Variants in DOT1L observed in about 807,000 individuals in gnomAD.
DOT1L encodes histone-lysine N-methyltransferase, H3 lysine-79 specific.
A neutral mutation model predicts 153.3 loss-of-function variants in DOT1L; 33 were observed. The observed-to-expected ratio is 0.22, with a 90% CI of 0.16 to 0.29. DOT1L has a LOEUF of 0.29. DOT1L is among the 10% of genes least tolerant of loss of function. The probability of loss-of-function intolerance (pLI) is 1.00; values close to 1 mark genes in which losing one functional copy is unlikely to be tolerated. For synonymous variants in DOT1L, 1,135 were observed against 965.1 expected (o/e 1.18, Z -3.26); for missense variants, 1,847 against 2,119.9 (o/e 0.87, Z 2.53).
In DOT1L at chr19:2,230,921, G is replaced by C. The variant is rs2024571216; in HGVS notation, c.*1129G>C. On this transcript the variant is annotated 3_prime_UTR_variant, in exon 28 of 28. Coordinates refer to ENST00000398665, the MANE Select transcript of DOT1L (RefSeq NM_032482.3). ...GCACCCATCCCTTGGAGCCTGTGCT[G>C]GTTCTCCCAGCTGCTGTGGGTGTGC... The C allele has an allele frequency of 3.5e-6, 1 of 282,514 alleles. No individual in the cohort carries two copies. Among genetic ancestry groups the C allele is most frequent in the Non-Finnish European group, 6.6e-6 (1 of 152,274 alleles). 17.5% of individuals were successfully genotyped at this position (282,514 alleles called of 1,614,324 possible). A position where few individuals can be genotyped will look rare whatever the true frequency, so the allele number is the denominator to read the frequency against.
At chr19:2,213,803 C>T (rs1385174109) in intron 17 of DOT1L, 46 bp from the exon 18 acceptor site, 3 of 1,610,620 alleles carry the variant, frequency 1.9e-6, no homozygotes, top group Non-Finnish European at 2.5e-6. Context: ...GCTTACTTCA[C>T]CTTGGAGGCC....
intron 1 of DOT1L, among the ~76,000 whole-genome samples, chr19:2,178,610 G>T (rs2022074031): frequency 6.6e-6 from 1 of 151,842 alleles, no homozygotes; most frequent in African/African-American, 2.4e-5. Flanking sequence ...GTAGAGATGG[G>T]GTTTCATTGT....
Position 2,220,046 on chromosome 19 carries a change from G to A in DOT1L, c.2692-62G>A. ...CAGGCCTCAACACTCACTGTTTCCAGCTGGGTTCTGGGTCTCCTGGGGCAC... is the reference window on the plus strand; with the variant it reads ...CAGGCCTCAACACTCACTGTTTCCAACTGGGTTCTGGGTCTCCTGGGGCAC... On this transcript the variant is annotated intron_variant, in intron 22 of 27. Coordinates refer to ENST00000398665, the MANE Select transcript of DOT1L (RefSeq NM_032482.3). This position sits in a 1 kb window ranked among gnomAD's most constrained non-coding sequence, Gnocchi z 4.5. The A allele has an allele frequency of 6.8e-7, 1 of 1,477,884 alleles. No homozygotes were observed. The highest frequency in any genetic ancestry group is 1.3e-5 in the South Asian group (1 of 78,984). 91.5% of individuals were successfully genotyped at this position (1,477,884 alleles called of 1,614,324 possible).
chr19:2,225,547 G>C (rs1049179219), intron 26 of DOT1L, 95 bp downstream of exon 26: 3 of 1,316,878 alleles, frequency 2.3e-6, no homozygotes, highest in Non-Finnish European at 2.2e-6. Context: ...CCGCTGCATC[G>C]TGTCCCGCAT....
chr19:2,216,263 C>A lies in DOT1L; in HGVS notation c.1924-18C>A. The A allele has an allele frequency of 1.9e-6, 3 of 1,551,268 alleles. No homozygotes were observed. In the African/African-American group the frequency reaches 4.1e-5, roughly 21 times the overall value. On this transcript the variant is annotated intron_variant, in intron 19 of 27. Coordinates refer to ENST00000398665, the MANE Select transcript of DOT1L (RefSeq NM_032482.3). Reference sequence around the variant, plus strand: ...GTCCCCCGGTGGGGCGGGCCTGACACCATCTCTCCTCCTGCAGATCAGCAT... The same window carrying A: ...GTCCCCCGGTGGGGCGGGCCTGACAACATCTCTCCTCCTGCAGATCAGCAT...
intron 27 of DOT1L, chr19:2,228,740 C>T (rs747008744): frequency 8.6e-5 from 85 of 985,304 alleles, no homozygotes; most frequent in African/African-American, 8.4e-4. Context: ...GGGCTCCATC[C>T]GCACCAGGCC....
At position 2,193,514 on chromosome 19, in the gene DOT1L, T is replaced by C. The variant is rs2022886824; in HGVS notation, c.494-175T>C. Among the ~76,000 whole-genome samples, 1 of 152,222 alleles carries C rather than the reference T, an allele frequency of 6.6e-6. No individual in the cohort carries two copies. The highest frequency in any genetic ancestry group is 1.5e-5 in the Non-Finnish European group (1 of 68,026). On this transcript the variant is annotated intron_variant, in intron 5 of 27. Coordinates refer to ENST00000398665, the MANE Select transcript of DOT1L (RefSeq NM_032482.3). This position sits in a 1 kb window ranked among gnomAD's most constrained non-coding sequence, Gnocchi z 5.9. ...CCTCGTGGGGGCTCTGTCAGGGGCC[T>C]GGTCTCTGGGAAGGATCCTGAGTGA...
Position 2,226,627 on chromosome 19 carries a change from G to C in DOT1L, c.4106G>C (p.Ser1369Thr). The change falls in exon 27 of 28, where the codon AGC becomes ACC. Residue 1369 changes from serine (S) to threonine (T), a missense_variant. Ser to Thr is a moderately conservative substitution (Grantham distance 58, BLOSUM62 1). Transcript: ENST00000398665. Reference protein sequence around the residue: ...KEGSDANPFLSKRQLDGLAGL... With the variant: ...KEGSDANPFLTKRQLDGLAGL... ...GGCTCGGACGCCAACCCTTTCCTGA[G>C]CAAGAGGCAGCTGGACGGCCTGGCT... 6.3e-7 allele frequency: 1 copy of C among 1,593,472 alleles called. No individual in the cohort carries two copies. The highest frequency in any genetic ancestry group is 1.7e-5 in the Admixed American group (1 of 58,244).
At chr19:2,221,813 TTC>T (rs1203759678) in intron 23 of DOT1L, 161 bp from the exon 24 acceptor site, 8 of 718,236 alleles carry the variant, frequency 1.1e-5, no homozygotes, top group Middle Eastern at 3.7e-4. Flanking sequence ...CCACAGAGCC[TTC>T]TGGTTCCACC....
intron 22 of DOT1L, among the ~76,000 whole-genome samples, chr19:2,219,080 C>G (rs1219192555): frequency 6.6e-6 from 1 of 152,202 alleles, no homozygotes; most frequent in Non-Finnish European, 1.5e-5. Context: ...CCATCTTGGC[C>G]GAGCTGGTCT....
intron 2 of DOT1L, 62 bp from the exon 3 acceptor site, chr19:2,185,793 A>C: frequency 6.3e-7 from 1 of 1,575,646 alleles, no homozygotes; most frequent in Non-Finnish European, 8.7e-7. Context: ...AACAAAAACA[A>C]AACACAAAAC....
At position 2,222,265 on chromosome 19, in the gene DOT1L, C is replaced by T. The variant is rs376394784; in HGVS notation, c.3096C>T (p.Ser1032=). ...EASKGDLPSD[S]GFSDPESEAK... is the part of the protein sequence containing the mutation. ...GCAAGGGAGACCTGCCCTCCGATTC[C>T]GGCTTCTCAGATCCTGAGAGTGAAG... Residue 1032 remains serine (S), a synonymous_variant, in exon 24 of 28, where the codon TCC becomes TCT. Transcript: ENST00000398665. This position sits in a 1 kb window ranked among gnomAD's most constrained non-coding sequence, Gnocchi z 6.5. 2.5e-5 allele frequency: 40 copies of T among 1,613,018 alleles called. No homozygotes were observed. Among genetic ancestry groups the T allele is most frequent in the East Asian group, 2.2e-4 (10 of 44,892 alleles).
chr19:2,189,062 G>A (rs770063112), intron 3 of DOT1L, among the ~76,000 whole-genome samples: 29 of 152,184 alleles, frequency 1.9e-4, no homozygotes, highest in Non-Finnish European at 3.2e-4. Flanking sequence ...TGCTGCGGGG[G>A]GACTGAGTCT....
At chr19:2,201,865 G>A (rs1030806768) in intron 8 of DOT1L, among the ~76,000 whole-genome samples, 12 of 152,240 alleles carry the variant, frequency 7.9e-5, no homozygotes, top group Non-Finnish European at 1.8e-4. Context: ...TGGGCACAGC[G>A]TGCAGGTCTT....
chr19:2,226,225 C>T lies in DOT1L; in HGVS notation c.3704C>T (p.Pro1235Leu). 1 of 1,537,262 alleles carries T rather than the reference C, an allele frequency of 6.5e-7. No individual in the cohort carries two copies. Among genetic ancestry groups the T allele is most frequent in the Non-Finnish European group, 8.8e-7 (1 of 1,140,418 alleles). Reference protein sequence around the residue: ...AGRKPAPAGEPVNSSKWKSTF... With the variant: ...AGRKPAPAGELVNSSKWKSTF... ...AGGAAGCCCGCGCCCGCCGGCGAGC[C>T]AGTCAATAGCAGCAAGTGGAAGTCC... is the stretch of plus-strand genomic sequence containing the variant. Residue 1235 changes from proline to leucine, a missense_variant, in exon 27 of 28, where the codon CCA becomes CTA. Pro to Leu is a moderately conservative substitution (Grantham distance 98). This residue lies in a region of DOT1L where 934 missense variants were observed against 825.3 expected (regional missense o/e 1.13). Coordinates refer to ENST00000398665, the MANE Select transcript of DOT1L (RefSeq NM_032482.3).
In DOT1L at chr19:2,188,028, G is replaced by A. The variant is rs989400836; in HGVS notation, c.201-1704G>A. ...GCAGGCCGGCTCTGTGGGTTCCTCCGGCCCGCATGGTGCCTGCTGGCCCTC... is the reference window on the plus strand; with the variant it reads ...GCAGGCCGGCTCTGTGGGTTCCTCCAGCCCGCATGGTGCCTGCTGGCCCTC... On this transcript the variant is annotated intron_variant, in intron 3 of 27. Coordinates refer to ENST00000398665, the MANE Select transcript of DOT1L (RefSeq NM_032482.3). Among the ~76,000 whole-genome samples, 5 of 151,858 alleles carry A rather than the reference G, an allele frequency of 3.3e-5. 1 individual carries two copies. In the South Asian group the frequency reaches 6.3e-4, roughly 19 times the overall value.
At chr19:2,184,875 C>T (rs1446928770) in intron 2 of DOT1L, among the ~76,000 whole-genome samples, 1 of 152,152 alleles carries the variant, frequency 6.6e-6, no homozygotes, top group Non-Finnish European at 1.5e-5. Context: ...GGTTTCCTCA[C>T]GTTTTTAAGG....
In DOT1L at chr19:2,185,317, G is replaced by C. The variant is rs574281514; in HGVS notation, c.126-538G>C. Among the ~76,000 whole-genome samples, 20 of 152,322 alleles carry C rather than the reference G, an allele frequency of 1.3e-4. No homozygotes were observed. In the East Asian group the frequency reaches 1.5e-3, roughly 12 times the overall value. On this transcript the variant is annotated intron_variant, in intron 2 of 27. Coordinates refer to ENST00000398665, the MANE Select transcript of DOT1L (RefSeq NM_032482.3). ...TTCACTTAGGTCCCCAGAGCCACTG[G>C]TGTGTGGCCTCGAAGCCACGTAATA... is the stretch of plus-strand genomic sequence containing the variant.
Position 2,210,650 on chromosome 19 carries a change from A to T in DOT1L, c.1146A>T (p.Gly382=), listed in dbSNP as rs2144830881. The T allele has an allele frequency of 6.2e-7, 1 of 1,612,762 alleles. No homozygotes were observed. Among genetic ancestry groups the T allele is most frequent in the Non-Finnish European group, 8.5e-7 (1 of 1,179,846 alleles). Residue 382 remains glycine, a synonymous_variant, in exon 14 of 28, where the codon GGA becomes GGT. Transcript: ENST00000398665. ...MDSGAEEEKA[G]AATVKKPSPS... ...CTGGTGCTGAGGAAGAGAAGGCGGG[A>T]GCAGCCACCGTGAAGAAGCCGTCTC...
Sources: gnomAD v4.1 joint callset for allele counts (sites outside exome capture counted in the v4.1 genomes callset) on GRCh38, gnomAD v4.1.1 for gene constraint, gnomAD v4.1.1 regional missense constraint, Gnocchi (gnomAD v3.1) non-coding constraint, MANE v1.5 for transcripts, NCBI Gene and HGNC (gene_info 2026-07-23, HGNC 2026-07-21) for gene names.